Variants in CDC14B observed in about 807,000 individuals in gnomAD.
CDC14B encodes the protein cell division cycle 14B.
In CDC14B, 22 loss-of-function variants were observed where a neutral mutation model predicts 64.2. The ratio of observed to expected loss-of-function variants is 0.34; its 90% CI spans 0.24 to 0.49. The LOEUF (loss-of-function observed/expected upper bound fraction) is 0.49. Among genes scored for constraint, CDC14B ranks in the 20% least tolerant of loss-of-function variants. CDC14B has a pLI of 0.99. For synonymous variants in CDC14B, 191 were observed against 215.8 expected (o/e 0.89, Z 1.01); for missense variants, 498 against 629.9 (o/e 0.79, Z 2.24).
intron 1 of CDC14B, among the ~76,000 whole-genome samples, chr9:96,583,989 A>T (rs1845325043): frequency 6.6e-6 from 1 of 152,128 alleles, no homozygotes; most frequent in Non-Finnish European, 1.5e-5. Context: ...AAGTGTTGGG[A>T]TTACAGGCAT....
downstream of CDC14B, among the ~76,000 whole-genome samples, chr9:96,499,559 T>C (rs918373813): frequency 1.3e-5 from 2 of 151,940 alleles, no homozygotes; most frequent in African/African-American, 4.8e-5. Context: ...AGTCAAAACT[T>C]TGTGTTGTGT....
intron 5 of CDC14B, among the ~76,000 whole-genome samples, chr9:96,551,441 T>C (rs1264973816): frequency 6.6e-6 from 1 of 152,100 alleles, no homozygotes; most frequent in Non-Finnish European, 1.5e-5. Flanking sequence ...TTTTCATCAA[T>C]GGCAGTAGTT....
intron 1 of CDC14B, among the ~76,000 whole-genome samples, chr9:96,615,072 C>T (rs1247107118): frequency 2.6e-5 from 4 of 152,140 alleles, no homozygotes; most frequent in Non-Finnish European, 5.9e-5. Context: ...AACTCCTGAC[C>T]TCAGGTTATC....
chr9:96,551,111 C>CTTTTTT (rs202193145), intron 5 of CDC14B, among the ~76,000 whole-genome samples: 1,212 of 93,202 alleles, frequency 0.013, 187 homozygotes, highest in African/African-American at 0.055. Context: ...TTGGGGTTTG[C>CTTTTTT]TTTTTTTTTT....
In CDC14B at chr9:96,502,873, C is replaced by T. The variant is rs1347087726; in HGVS notation, c.*880G>A. The T allele has an allele frequency of 1.3e-5, 5 of 397,412 alleles. No homozygotes were observed. The highest frequency in any genetic ancestry group is 4.4e-5 in the Admixed American group (1 of 22,630). The allele number at this position is 397,412 out of a possible 1,614,324, so 24.6% of individuals were successfully genotyped here. A position where few individuals can be genotyped will look rare whatever the true frequency, so the allele number is the denominator to read the frequency against. Reference sequence around the variant, plus strand: ...GTGGTAACTTTTTTTTTTTGTAAGCCGACATTATTTGGGATTGCTGTTTCC... The same window carrying T: ...GTGGTAACTTTTTTTTTTTGTAAGCTGACATTATTTGGGATTGCTGTTTCC... On this transcript the variant is annotated 3_prime_UTR_variant, in exon 14 of 14. Coordinates refer to ENST00000375241, the MANE Select transcript of CDC14B (RefSeq NM_033331.4).
At chr9:96,599,138 G>C (rs1846266699) in intron 1 of CDC14B, among the ~76,000 whole-genome samples, 1 of 152,186 alleles carries the variant, frequency 6.6e-6, no homozygotes, top group South Asian at 2.1e-4. Context: ...CCAGCACTTT[G>C]GGAGGCCAAG....
intron 5 of CDC14B, among the ~76,000 whole-genome samples, chr9:96,545,399 G>A (rs916378770): frequency 1.3e-5 from 2 of 148,890 alleles, no homozygotes; most frequent in Admixed American, 1.4e-4. Flanking sequence ...CTCACTGTAA[G>A]CTCCACCTCC....
chr9:96,570,893 G>GT (rs200059913), intron 1 of CDC14B, among the ~76,000 whole-genome samples: 1 of 152,124 alleles, frequency 6.6e-6, no homozygotes, highest in African/African-American at 2.4e-5. Flanking sequence ...GATCTGAAGC[G>GT]TAAGATTAAG....
chr9:96,523,205 G>C, intron 11 of CDC14B, 56 bp downstream of exon 11: 3 of 1,566,878 alleles, frequency 1.9e-6, no homozygotes, highest in South Asian at 2.2e-5. Context: ...TACCCTGACA[G>C]GTTCTCAATA....
intron 1 of CDC14B, among the ~76,000 whole-genome samples, chr9:96,570,075 G>C (rs1158020605): frequency 6.6e-6 from 1 of 152,080 alleles, no homozygotes; most frequent in African/African-American, 2.4e-5. Context: ...TGATATAGGA[G>C]AAAGAAACAA....
intron 4 of CDC14B, among the ~76,000 whole-genome samples, chr9:96,557,274 C>T (rs1052747734): frequency 1.4e-4 from 21 of 152,252 alleles, no homozygotes; most frequent in African/African-American, 5.1e-4. Context: ...GTTCGCCTCA[C>T]ACTAGCTGGG....
intron 1 of CDC14B, among the ~76,000 whole-genome samples, chr9:96,575,602 C>T (rs1288959209): frequency 6.6e-6 from 1 of 152,006 alleles, no homozygotes; most frequent in Non-Finnish European, 1.5e-5. Flanking sequence ...GCAAACAAAA[C>T]AGAATAAGAT....
chr9:96,525,148 AAG>A (rs1232971647), intron 9 of CDC14B, among the ~76,000 whole-genome samples: 1 of 152,166 alleles, frequency 6.6e-6, no homozygotes, highest in Non-Finnish European at 1.5e-5. Flanking sequence ...TGCAAAAAAT[AAG>A]AGTGTTACAG....
intron 12 of CDC14B, among the ~76,000 whole-genome samples, chr9:96,512,715 A>C (rs1011557963): frequency 8.5e-5 from 13 of 152,228 alleles, no homozygotes; most frequent in East Asian, 3.8e-4. Context: ...AAAACCAAAC[A>C]AAACAAAACA....
In CDC14B at chr9:96,500,298, T is replaced by A. The variant is rs1262139533; in HGVS notation, c.*3455A>T. ...AAAAATACCTTCAGGAAAATAAACA[T>A]TCATTCAACCAGTTCTCTTGGCTTT... On this transcript the variant is annotated 3_prime_UTR_variant, in exon 14 of 14. Transcript: ENST00000375241. 1 of 152,526 alleles carries A rather than the reference T, an allele frequency of 6.6e-6. No homozygotes were observed. The highest frequency in any genetic ancestry group is 1.5e-5 in the Non-Finnish European group (1 of 68,032). The allele number at this position is 152,526 out of a possible 1,614,324, so 9.4% of individuals were successfully genotyped here.
chr9:96,578,932 C>T (rs1844970318), intron 1 of CDC14B, among the ~76,000 whole-genome samples: 1 of 152,182 alleles, frequency 6.6e-6, no homozygotes, highest in South Asian at 2.1e-4. Flanking sequence ...ATTCTCCTGC[C>T]TCAGCCTCCC....
At chr9:96,497,611 T>C (rs1833309695), downstream of CDC14B, among the ~76,000 whole-genome samples, 1 of 152,240 alleles carries the variant, frequency 6.6e-6, no homozygotes, top group African/African-American at 2.4e-5. Flanking sequence ...TCACAACAGC[T>C]GCTAACGGGA....
In CDC14B at chr9:96,619,199, G is replaced by T; in HGVS notation, c.160+20C>A. Reference sequence around the variant, plus strand: ...GGTGCGGCCGTCCGGGGCCCTCCGCGCGCCCACTGGCCGGCTCACCGGTGA... The same window carrying T: ...GGTGCGGCCGTCCGGGGCCCTCCGCTCGCCCACTGGCCGGCTCACCGGTGA... On this transcript the variant is annotated intron_variant, in intron 1 of 13. Transcript: ENST00000375241. 1 of 1,255,594 alleles carries T rather than the reference G, an allele frequency of 8.0e-7. No homozygotes were observed. The allele number at this position is 1,255,594 out of a possible 1,614,324, so 77.8% of individuals were successfully genotyped here.
intron 1 of CDC14B, among the ~76,000 whole-genome samples, chr9:96,609,367 G>A (rs1031702957): frequency 1.3e-5 from 2 of 152,170 alleles, no homozygotes; most frequent in African/African-American, 4.8e-5. Flanking sequence ...ACTACATAAT[G>A]ACTAATTCTT....
Sources: allele counts gnomAD v4.1 joint callset (sites outside exome capture counted in the v4.1 genomes callset), GRCh38; gene constraint gnomAD v4.1.1; transcripts MANE v1.5; gene names NCBI Gene and HGNC (gene_info 2026-07-23, HGNC 2026-07-21).